Variants in PCNX4 observed in about 807,000 individuals in gnomAD.
PCNX4 encodes pecanex 4.
A neutral mutation model predicts 107.2 loss-of-function variants in PCNX4; 103 were observed. The observed-to-expected ratio is 0.96, with a 90% CI of 0.82 to 1.13. The LOEUF (loss-of-function observed/expected upper bound fraction) is 1.13. PCNX4 is among the 50% of genes most tolerant of loss of function. PCNX4 has a pLI of 0.00. For missense variants in PCNX4, 1,528 were observed against 1,379.4 expected, an observed-to-expected ratio of 1.11 and a Z score of -1.71; for synonymous variants, 541 against 481.7, an observed-to-expected ratio of 1.12 and a Z score of -1.61.
At chr14:60,127,972 G>T (rs1262519360) in intron 10 of PCNX4, among the ~76,000 whole-genome samples, 1 of 152,064 alleles carries the variant, frequency 6.6e-6, no homozygotes, top group Non-Finnish European at 1.5e-5. Context: ...CACTAGAGGG[G>T]CTCAACAGTA....
rs1896272327 is a variant in PCNX4 at position 60,138,900 on chromosome 14, A to G, written c.*4679A>G. Reference sequence around the variant, plus strand: ...CAATAATATACAAATTTGGTGCAGGAATTCTAAGGTCAGAATTATCAGAAA... The same window carrying G: ...CAATAATATACAAATTTGGTGCAGGGATTCTAAGGTCAGAATTATCAGAAA... On this transcript the variant is annotated 3_prime_UTR_variant, in exon 11 of 11. Coordinates refer to ENST00000406854, the MANE Select transcript of PCNX4 (RefSeq NM_001330177.2). 6.6e-6 allele frequency: 1 copy of G among 152,168 alleles called. No individual in the cohort carries two copies. Among genetic ancestry groups the G allele is most frequent in the African/African-American group, 2.4e-5 (1 of 41,460 alleles). 9.4% of individuals were successfully genotyped at this position (152,168 alleles called of 1,614,324 possible). A position where few individuals can be genotyped will look rare whatever the true frequency, so the allele number is the denominator to read the frequency against.
chr14:60,141,770 T>C lies in PCNX4; in HGVS notation c.*7549T>C, dbSNP rs1896308670. On this transcript the variant is annotated 3_prime_UTR_variant, in exon 11 of 11. Transcript: ENST00000406854. Reference sequence around the variant, plus strand: ...GAATATAACAGTTTGTTTATACCATTCACCTGTTGATGGACATTTGTTGGT... The same window carrying C: ...GAATATAACAGTTTGTTTATACCATCCACCTGTTGATGGACATTTGTTGGT... 6.6e-6 allele frequency: 1 copy of C among 152,238 alleles called. No homozygotes were observed. Among genetic ancestry groups the C allele is most frequent in the Non-Finnish European group, 1.5e-5 (1 of 68,038 alleles). 9.4% of individuals were successfully genotyped at this position (152,238 alleles called of 1,614,324 possible). A position where few individuals can be genotyped will look rare whatever the true frequency, so the allele number is the denominator to read the frequency against.
intron 2 of PCNX4, among the ~76,000 whole-genome samples, chr14:60,113,433 A>G (rs1388002469): frequency 6.6e-6 from 1 of 152,000 alleles, no homozygotes; most frequent in African/African-American, 2.4e-5. Flanking sequence ...CAATCACGCA[A>G]TCTCGGTTCA....
At chr14:60,108,397 T>C in intron 2 of PCNX4, 70 bp downstream of exon 2, 1 of 1,184,656 alleles carries the variant, frequency 8.4e-7, no homozygotes, top group Non-Finnish European at 1.2e-6. Flanking sequence ...GCTTTCCTTT[T>C]AGTGTTACAA....
intron 1 of PCNX4, among the ~76,000 whole-genome samples, chr14:60,095,852 A>G (rs985921289): frequency 6.6e-6 from 1 of 152,074 alleles, no homozygotes; most frequent in Non-Finnish European, 1.5e-5. Context: ...AAGAAAAAAT[A>G]TATAGGGACC....
chr14:60,128,502 A>T lies in PCNX4; in HGVS notation c.3267+2679A>T, dbSNP rs138487109. Reference sequence around the variant, plus strand: ...CAAGGACCCTATATCTAGCAAAGTGATCTTTCAAAAATGAAAGCAAAATAA... The same window carrying T: ...CAAGGACCCTATATCTAGCAAAGTGTTCTTTCAAAAATGAAAGCAAAATAA... On this transcript the variant is annotated intron_variant, in intron 10 of 10. Coordinates refer to ENST00000406854, the MANE Select transcript of PCNX4 (RefSeq NM_001330177.2). Among the ~76,000 whole-genome samples, 36 of 152,358 alleles carry T rather than the reference A, an allele frequency of 2.4e-4. 2 individuals are homozygous for T. The highest frequency in any genetic ancestry group is 3.4e-4 in the African/African-American group (14 of 41,588).
intron 2 of PCNX4, among the ~76,000 whole-genome samples, chr14:60,112,289 A>G (rs1371219124): frequency 6.6e-6 from 1 of 152,220 alleles, no homozygotes; most frequent in Non-Finnish European, 1.5e-5. Context: ...TGTGGATCTT[A>G]GTGAGTGTGC....
rs773684240 is a variant in PCNX4 at position 60,124,763 on chromosome 14, T to C, written c.2592T>C (p.Asp864=). The change falls in exon 9 of 11, where the codon GAT becomes GAC. Residue 864 remains aspartate (D), a synonymous_variant. Coordinates refer to ENST00000406854, the MANE Select transcript of PCNX4 (RefSeq NM_001330177.2). ...CAGTAGAATCACAGAGGGTTGGTGATCATTCTACAGGCACTGTTCCTGAAA... is the reference window on the plus strand; with the variant it reads ...CAGTAGAATCACAGAGGGTTGGTGACCATTCTACAGGCACTGTTCCTGAAA... ...PGSVESQRVG[D]HSTGTVPEND... 2.6e-5 allele frequency: 42 copies of C among 1,613,134 alleles called. No individual in the cohort carries two copies. Among genetic ancestry groups the C allele is most frequent in the Non-Finnish European group, 3.6e-5 (42 of 1,179,796 alleles).
intron 1 of PCNX4, among the ~76,000 whole-genome samples, chr14:60,098,535 T>C (rs1388870789): frequency 6.6e-6 from 1 of 152,242 alleles, no homozygotes; most frequent in Non-Finnish European, 1.5e-5. Flanking sequence ...CTTGTTCCTT[T>C]TCAGTCTTTC....
Position 60,107,958 on chromosome 14 carries a change from C to T in PCNX4, c.320C>T (p.Thr107Met), listed in dbSNP as rs756897207. Residue 107 changes from threonine to methionine, a missense_variant, in exon 2 of 11, where the codon ACG (threonine) becomes ATG (methionine). Physicochemically the swap from Thr to Met is moderately conservative, Grantham distance 81 (BLOSUM62 -1). Transcript: ENST00000406854. ...ACAACAGTAGAAAGAATACTAACCA[C>T]GGATATCTTAGCAGAGGAGGATGAG... is the stretch of plus-strand genomic sequence containing the variant. ...KSTTVERILT[T>M]DILAEEDEHE... 51 of 1,612,688 alleles carry T rather than the reference C, an allele frequency of 3.2e-5. No homozygotes were observed. Among genetic ancestry groups the T allele is most frequent in the African/African-American group, 5.3e-5 (4 of 74,906 alleles).
chr14:60,132,334 A>T (rs1246695555), intron 10 of PCNX4, among the ~76,000 whole-genome samples: 1 of 152,342 alleles, frequency 6.6e-6, no homozygotes, highest in East Asian at 1.9e-4. Flanking sequence ...GGATGATCTC[A>T]TCTCTAAATC....
At chr14:60,128,793 T>A (rs1896101716) in intron 10 of PCNX4, among the ~76,000 whole-genome samples, 1 of 152,226 alleles carries the variant, frequency 6.6e-6, no homozygotes, top group Non-Finnish European at 1.5e-5. Flanking sequence ...GGAATGTAAT[T>A]TGCTAATAAT....
intron 1 of PCNX4, among the ~76,000 whole-genome samples, chr14:60,093,523 A>G (rs1895353443): frequency 6.6e-6 from 1 of 152,244 alleles, no homozygotes; most frequent in South Asian, 2.1e-4. Context: ...TGTAGAATGT[A>G]TGAGTACTTC....
In PCNX4 at chr14:60,107,862, T is replaced by TTAA; in HGVS notation, c.225_226insAAT (p.Leu75_Ser76insAsn). The TTAA allele has an allele frequency of 6.2e-7, 1 of 1,612,894 alleles. No homozygotes were observed. The highest frequency in any genetic ancestry group is 2.2e-5 in the East Asian group (1 of 44,890). Reference sequence around the variant, plus strand: ...CTGAAAGACTATTATACAGCAGCACTTTCAGGTGGATTAATGCTTTTTACT... The same window carrying TTAA: ...CTGAAAGACTATTATACAGCAGCACTTAATTCAGGTGGATTAATGCTTTTTACT... On this transcript the variant is annotated inframe_insertion, in exon 2 of 11. Transcript: ENST00000406854.
intron 8 of PCNX4, among the ~76,000 whole-genome samples, chr14:60,122,134 G>A (rs1331003827): frequency 1.3e-5 from 2 of 152,024 alleles, no homozygotes; most frequent in African/African-American, 4.8e-5. Context: ...ACCATATTCT[G>A]TATCCCATCT....
intron 10 of PCNX4, among the ~76,000 whole-genome samples, chr14:60,128,415 G>T (rs1213263957): frequency 6.6e-6 from 1 of 152,160 alleles, no homozygotes; most frequent in African/African-American, 2.4e-5. Flanking sequence ...ATGGAGGCCA[G>T]AAGCATGGAA....
rs1415166475 is a variant in PCNX4 at position 60,141,157 on chromosome 14, A to C, written c.*6936A>C. ...TGTGTCTCCAAGAGCTGTCTCCTAC[A>C]TCCCAGGGAATACCTAGGAAGATAG... is the stretch of plus-strand genomic sequence containing the variant. On this transcript the variant is annotated 3_prime_UTR_variant, in exon 11 of 11. Coordinates refer to ENST00000406854, the MANE Select transcript of PCNX4 (RefSeq NM_001330177.2). 1 of 152,270 alleles carries C rather than the reference A, an allele frequency of 6.6e-6. No individual in the cohort carries two copies. Among genetic ancestry groups the C allele is most frequent in the Non-Finnish European group, 1.5e-5 (1 of 68,048 alleles). The allele number at this position is 152,270 out of a possible 1,614,324, so 9.4% of individuals were successfully genotyped here.
At position 60,114,776 on chromosome 14, in the gene PCNX4, T is replaced by A. The variant is rs773613745; in HGVS notation, c.766T>A (p.Trp256Arg). 2.4e-5 allele frequency: 38 copies of A among 1,613,788 alleles called. No homozygotes were observed. In the East Asian group the frequency reaches 7.6e-4, roughly 32 times the overall value. ...HILFVFLPFL[W>R]ALGTLPPPDA... ...CTTGTTTGTATTTTTACCCTTTCTG[T>A]GGGCACTTGGGACTCTGCCCCCACC... is the stretch of plus-strand genomic sequence containing the variant. Residue 256 changes from tryptophan (W) to arginine (R), a missense_variant, in exon 3 of 11, where the codon TGG becomes AGG. Physicochemically the swap from Trp to Arg is moderately radical, Grantham distance 101 (BLOSUM62 -3). Coordinates refer to ENST00000406854, the MANE Select transcript of PCNX4 (RefSeq NM_001330177.2).
At position 60,146,148 on chromosome 14, in the gene PCNX4, A is replaced by G. The variant is rs759855167; in HGVS notation, c.*11927A>G. On this transcript the variant is annotated 3_prime_UTR_variant, in exon 11 of 11. Transcript: ENST00000406854. This position sits in a 1 kb window ranked among gnomAD's most constrained non-coding sequence, Gnocchi z 4.9. ...TGCCCAGCTTATAATAAAGAGTGAC[A>G]AAGTAGTAAGACTATATAATAAGCA... The G allele has an allele frequency of 5.3e-5, 8 of 151,954 alleles. No homozygotes were observed. Among genetic ancestry groups the G allele is most frequent in the Non-Finnish European group, 1.0e-4 (7 of 67,966 alleles). The allele number at this position is 151,954 out of a possible 1,614,324, so 9.4% of individuals were successfully genotyped here. A position where few individuals can be genotyped will look rare whatever the true frequency, so the allele number is the denominator to read the frequency against.
Sources: gnomAD v4.1 joint callset for allele counts (sites outside exome capture counted in the v4.1 genomes callset) on GRCh38, gnomAD v4.1.1 for gene constraint, Gnocchi (gnomAD v3.1) non-coding constraint, MANE v1.5 for transcripts, NCBI Gene and HGNC (gene_info 2026-07-23, HGNC 2026-07-21) for gene names.